NTRK3: variants seen among roughly 807,000 people sequenced by gnomAD.
NTRK3 encodes the protein neurotrophic receptor tyrosine kinase 3.
Under a neutral mutation model 91.7 loss-of-function variants are expected in NTRK3, and 24 were observed. The ratio of observed to expected loss-of-function variants is 0.26; its 90% CI spans 0.19 to 0.37. The LOEUF (loss-of-function observed/expected upper bound fraction) is 0.37. Among genes scored for constraint, NTRK3 ranks in the 10% least tolerant of loss-of-function variants. The pLI is 1.00. For synonymous variants in NTRK3, 483 were observed against 404.0 expected, an observed-to-expected ratio of 1.20 and a Z score of -2.34; for missense variants, 880 against 1,068.9, an observed-to-expected ratio of 0.82 and a Z score of 2.46.
In NTRK3 at chr15:88,233,232, C is replaced by G. The variant is rs1032214638; in HGVS notation, c.248+22674G>C. On this transcript the variant is annotated intron_variant, in intron 3 of 18. Transcript: ENST00000394480. This position sits in a 1 kb window ranked among gnomAD's most constrained non-coding sequence, Gnocchi z 4.2. ...GTAGAGCACATTGCCAATAAATAAC[C>G]CCCCCGCCCCCAGTGTAATCTCTCA... 6.6e-5 allele frequency among the ~76,000 whole-genome samples: 10 copies of G among 151,866 alleles called. No homozygotes were observed. Among genetic ancestry groups the G allele is most frequent in the African/African-American group, 1.9e-4 (8 of 41,292 alleles).
chr15:87,901,746 G>C (rs1596160628), intron 17 of NTRK3, among the ~76,000 whole-genome samples: 1 of 149,922 alleles, frequency 6.7e-6, no homozygotes, highest in South Asian at 2.1e-4. Flanking sequence ...AGGAAGAAAG[G>C]AAGGAGGAAA....
At position 88,241,551 on chromosome 15, in the gene NTRK3, G is replaced by T. The variant is rs1374741234; in HGVS notation, c.248+14355C>A. Among the ~76,000 whole-genome samples the T allele has an allele frequency of 6.6e-6, 1 of 152,164 alleles. No individual in the cohort carries two copies. Among genetic ancestry groups the T allele is most frequent in the African/African-American group, 2.4e-5 (1 of 41,424 alleles). The stretch of plus-strand genomic sequence containing the variant: ...GCTGCTCTGGGCTGGAAAGGAGGAG[G>T]GAGGGTGTGCCCTGGTCAGTCTCAC... On this transcript the variant is annotated intron_variant, in intron 3 of 18. Coordinates refer to ENST00000394480, the Ensembl canonical transcript of NTRK3. This position sits in a 1 kb window ranked among gnomAD's most constrained non-coding sequence, Gnocchi z 4.3.
chr15:87,929,456 A>T (rs747988680), intron 16 of NTRK3, 22 bp from the exon 17 acceptor site: 2 of 1,612,580 alleles, frequency 1.2e-6, no homozygotes, highest in Non-Finnish European at 8.5e-7. Flanking sequence ...TGGGGAGAAG[A>T]GAGGGGGCAG....
intron 13 of NTRK3, 131 bp from the exon 14 acceptor site, chr15:88,033,176 T>TGATATATATATA (rs1491166187): frequency 5.2e-6 from 1 of 192,404 alleles, no homozygotes; most frequent in African/African-American, 6.2e-5. Context: ...GGGGGGTGTG[T>TGATATATATATA]TATATATATA....
At chr15:87,999,867 C>A (rs1195424360) in intron 14 of NTRK3, among the ~76,000 whole-genome samples, 1 of 152,118 alleles carries the variant, frequency 6.6e-6, no homozygotes, top group Non-Finnish European at 1.5e-5. Context: ...TAGAACCAGA[C>A]AAATTTCCAC....
intron 3 of NTRK3, among the ~76,000 whole-genome samples, chr15:88,226,222 C>A (rs531766739): frequency 1.3e-5 from 2 of 152,278 alleles, no homozygotes; most frequent in African/African-American, 4.8e-5. Context: ...CAGCACCTGC[C>A]GGTTGCCCCC....
chr15:88,052,799 G>A (rs1042682537), intron 13 of NTRK3, among the ~76,000 whole-genome samples: 2 of 152,180 alleles, frequency 1.3e-5, no homozygotes, highest in Non-Finnish European at 2.9e-5. Flanking sequence ...CCAAGGAGGT[G>A]CAGCAACGGA....
chr15:88,253,148 C>A (rs1199917527), intron 3 of NTRK3: 2 of 152,222 alleles, frequency 1.3e-5, no homozygotes, highest in Non-Finnish European at 2.9e-5. Flanking sequence ...TACCCTGGGG[C>A]AGCCACCAGC....
chr15:87,872,662 T>C (rs2064853228), exon 19 of NTRK3: 1 of 232,560 alleles, frequency 4.3e-6, no homozygotes, highest in South Asian at 1.8e-4. Context: ...ATGAAGTCTC[T>C]GGCTTGTCTG....
intron 13 of NTRK3, among the ~76,000 whole-genome samples, chr15:88,055,063 G>A (rs1183064768): frequency 6.6e-6 from 1 of 152,174 alleles, no homozygotes; most frequent in Non-Finnish European, 1.5e-5. Flanking sequence ...AACTGGCAGA[G>A]GGAAGGGGGA....
intron 5 of NTRK3, among the ~76,000 whole-genome samples, chr15:88,171,252 T>C (rs2045487698): frequency 6.6e-6 from 1 of 152,172 alleles, no homozygotes; most frequent in Non-Finnish European, 1.5e-5. Flanking sequence ...CACCCCTTTT[T>C]TCTATCTCAA....
chr15:88,170,440 C>T (rs1175490970), intron 5 of NTRK3, among the ~76,000 whole-genome samples: 4 of 152,228 alleles, frequency 2.6e-5, no homozygotes, highest in Non-Finnish European at 5.9e-5. Context: ...TCCCTCACTA[C>T]ATCCCACAGC....
intron 14 of NTRK3, among the ~76,000 whole-genome samples, chr15:87,989,470 A>G (rs1325273012): frequency 1.6e-5 from 2 of 127,180 alleles, no homozygotes; most frequent in African/African-American, 5.2e-5. Flanking sequence ...ACTTGGACAC[A>G]GGAAGGGGAA....
chr15:88,226,949 C>T (rs1407480282), intron 3 of NTRK3, among the ~76,000 whole-genome samples: 1 of 152,224 alleles, frequency 6.6e-6, no homozygotes, highest in Non-Finnish European at 1.5e-5. Flanking sequence ...CCTGAGCTCT[C>T]ATCTTCTTTC....
intron 17 of NTRK3, chr15:87,927,172 AG>A (rs2068385770): frequency 3.3e-5 from 5 of 152,224 alleles, no homozygotes; most frequent in African/African-American, 1.2e-4. Context: ...ACAGGTGGCT[AG>A]TGAGGCTACC....
chr15:87,891,251 T>C (rs1439624409), intron 17 of NTRK3, among the ~76,000 whole-genome samples: 3 of 152,230 alleles, frequency 2.0e-5, no homozygotes, highest in Admixed American at 1.3e-4. Flanking sequence ...GTAGAAAACA[T>C]AGCTATGTTT....
chr15:88,233,032 G>A lies in NTRK3; in HGVS notation c.248+22874C>T, dbSNP rs1427619050. Among the ~76,000 whole-genome samples the A allele has an allele frequency of 6.6e-6, 1 of 152,120 alleles. No individual in the cohort carries two copies. Among genetic ancestry groups the A allele is most frequent in the Non-Finnish European group, 1.5e-5 (1 of 68,024 alleles). ...AGCGAAAGTTTGACTAAAGCTCAGT[G>A]TCTTCGCTTTTATAAATCTCTGCCT... On this transcript the variant is annotated intron_variant, in intron 3 of 18. Coordinates refer to ENST00000394480, the Ensembl canonical transcript of NTRK3. The surrounding 1 kb of genome is among the most constrained non-coding windows in gnomAD (Gnocchi z 4.2).
At chr15:88,042,876 C>T (rs1257455090) in intron 13 of NTRK3, among the ~76,000 whole-genome samples, 1 of 152,216 alleles carries the variant, frequency 6.6e-6, no homozygotes, top group Non-Finnish European at 1.5e-5. Context: ...AGATCCACGT[C>T]TATCTGACTT....
intron 14 of NTRK3, among the ~76,000 whole-genome samples, chr15:87,965,386 G>T (rs455309): frequency 6.6e-6 from 1 of 152,352 alleles, no homozygotes; most frequent in Admixed American, 6.5e-5. Flanking sequence ...ATAGTCCACA[G>T]ATGGGGAGCC....
Sources: allele counts gnomAD v4.1 joint callset (sites outside exome capture counted in the v4.1 genomes callset), GRCh38; gene constraint gnomAD v4.1.1; non-coding constraint Gnocchi (gnomAD v3.1); transcripts MANE v1.5; gene names NCBI Gene and HGNC (gene_info 2026-07-23, HGNC 2026-07-21).